NCKAP5: variants seen among roughly 807,000 people sequenced by gnomAD.
The protein encoded by NCKAP5 is nck-associated protein 5.
NCKAP5 carries 92 observed loss-of-function variants against 167.0 expected under a neutral mutation model. That is an observed-to-expected ratio of 0.55 (90% CI 0.47 to 0.66). The LOEUF is 0.66. Among genes scored for constraint, NCKAP5 ranks in the 30% least tolerant of loss-of-function variants. The probability of loss-of-function intolerance (pLI) is 0.00; values close to 1 mark genes in which losing one functional copy is unlikely to be tolerated. For synonymous variants in NCKAP5, 891 were observed against 877.4 expected (o/e 1.02, Z -0.27); for missense variants, 2,378 against 2,315.0 (o/e 1.03, Z -0.56).
Position 133,507,420 on chromosome 2 carries a change from C to G in NCKAP5, c.69+10038G>C, listed in dbSNP as rs183093089. Among the ~76,000 whole-genome samples, 431 of 152,228 alleles carry G rather than the reference C, an allele frequency of 2.8e-3. 5 individuals carry two copies. Among genetic ancestry groups the G allele is most frequent in the African/African-American group, 9.6e-3 (399 of 41,522 alleles). On this transcript the variant is annotated intron_variant, in intron 3 of 19. Transcript: ENST00000409261. ...AAAACAACTGCTTAAAACCAAGAACCAAAAAGGTGCGGAAAGACAGAAGGC... is the reference window on the plus strand; with the variant it reads ...AAAACAACTGCTTAAAACCAAGAACGAAAAAGGTGCGGAAAGACAGAAGGC...
chr2:133,656,888 T>C, the NCKAP5 span, among the ~76,000 whole-genome samples: 3 of 152,122 alleles, frequency 2.0e-5, no homozygotes, highest in African/African-American at 7.2e-5. Flanking sequence ...CAGTATACAT[T>C]GCACCATATT....
intron 11 of NCKAP5, among the ~76,000 whole-genome samples, chr2:132,859,076 G>T (rs16842623): frequency 1.3e-5 from 2 of 152,010 alleles, no homozygotes; most frequent in Non-Finnish European, 2.9e-5. Flanking sequence ...AAATATTTAC[G>T]GTGGTCAGGA....
chr2:133,561,743 G>A (rs889358149), intron 1 of NCKAP5, among the ~76,000 whole-genome samples: 1 of 152,142 alleles, frequency 6.6e-6, no homozygotes, highest in Non-Finnish European at 1.5e-5. Flanking sequence ...GACAAAAAAA[G>A]AACATGGTGA....
intron 6 of NCKAP5, among the ~76,000 whole-genome samples, chr2:133,037,956 A>G (rs2079090189): frequency 6.6e-6 from 1 of 152,128 alleles, no homozygotes; most frequent in Non-Finnish European, 1.5e-5. Context: ...CATCCAAAAG[A>G]TAAGTAATAA....
chr2:133,207,511 A>C (rs567688875), intron 5 of NCKAP5, among the ~76,000 whole-genome samples: 75 of 152,326 alleles, frequency 4.9e-4, no homozygotes, highest in African/African-American at 1.8e-3. Flanking sequence ...GGTTTCAAAT[A>C]ACTCTGTCCA....
At chr2:133,422,146 G>A (rs115721416) in intron 3 of NCKAP5, among the ~76,000 whole-genome samples, 3,050 of 152,298 alleles carry the variant, frequency 0.02, 95 homozygotes, top group African/African-American at 0.069. Flanking sequence ...CAAAGCCAGA[G>A]AATTCCCAAA....
intron 8 of NCKAP5, among the ~76,000 whole-genome samples, chr2:132,943,320 T>C (rs2149107409): frequency 6.6e-6 from 1 of 152,360 alleles, no homozygotes; most frequent in Admixed American, 6.5e-5. Flanking sequence ...ATATCCTCTT[T>C]GATTGCATAT....
intron 8 of NCKAP5, among the ~76,000 whole-genome samples, chr2:132,927,178 GGT>G (rs1695969880): frequency 6.6e-6 from 1 of 152,188 alleles, no homozygotes; most frequent in East Asian, 1.9e-4. Flanking sequence ...GTTGGCTGTA[GGT>G]GTGTGGCTTC....
intron 3 of NCKAP5, among the ~76,000 whole-genome samples, chr2:133,508,253 CT>C (rs978386484): frequency 6.6e-6 from 1 of 152,152 alleles, no homozygotes; most frequent in African/African-American, 2.4e-5. Flanking sequence ...TAAATTTCTG[CT>C]TCAGGGAACT....
At chr2:133,438,524 G>A (rs573991622) in intron 3 of NCKAP5, among the ~76,000 whole-genome samples, 5 of 152,158 alleles carry the variant, frequency 3.3e-5, no homozygotes, top group East Asian at 1.9e-4. Flanking sequence ...AGATAACTTC[G>A]CATAAAGTAT....
chr2:133,349,605 T>G (rs986912218), intron 3 of NCKAP5, among the ~76,000 whole-genome samples: 5 of 152,244 alleles, frequency 3.3e-5, no homozygotes, highest in African/African-American at 1.2e-4. Context: ...TCATGCTTGT[T>G]TTTTGTTTGT....
chr2:133,207,776 C>T (rs1377755277), intron 5 of NCKAP5, among the ~76,000 whole-genome samples: 2 of 152,044 alleles, frequency 1.3e-5, no homozygotes, highest in Non-Finnish European at 2.9e-5. Context: ...AAAATAAATA[C>T]CAATGCAGTC....
intron 4 of NCKAP5, among the ~76,000 whole-genome samples, chr2:133,216,771 G>C (rs891454126): frequency 1.3e-5 from 2 of 152,032 alleles, no homozygotes; most frequent in African/African-American, 4.8e-5. Flanking sequence ...ATATAATTCA[G>C]ATACAAGGAG....
At chr2:133,052,826 T>C (rs1031806714) in intron 6 of NCKAP5, among the ~76,000 whole-genome samples, 5 of 151,918 alleles carry the variant, frequency 3.3e-5, no homozygotes, top group African/African-American at 1.2e-4. Flanking sequence ...TTATCAACAA[T>C]AGAATATTTG....
At chr2:132,758,247 G>GT (rs1680714241) in intron 16 of NCKAP5, among the ~76,000 whole-genome samples, 1 of 152,188 alleles carries the variant, frequency 6.6e-6, no homozygotes, top group Admixed American at 6.5e-5. Context: ...GGTGGAATGA[G>GT]TGTGTGGATC....
rs373986881 is a variant in NCKAP5, at chr2:132,707,042, C to T, written c.5713+18585G>A. On this transcript the variant is annotated intron_variant, in intron 19 of 19. Coordinates refer to ENST00000409261, the MANE Select transcript of NCKAP5 (RefSeq NM_207363.3). The stretch of plus-strand genomic sequence containing the variant: ...AACAATAATCCACACAAAAAGACAT[C>T]TTTGTAAGAACTAAAAATCAGGTGA... Among the ~76,000 whole-genome samples, 62 of 152,306 alleles carry T rather than the reference C, an allele frequency of 4.1e-4. 1 individual carries two copies. The South Asian group carries it at 0.013, about 31-fold the overall frequency.
rs114575033 is a variant in NCKAP5 at position 133,344,029 on chromosome 2, G to A, written c.70-40919C>T. Among the ~76,000 whole-genome samples the A allele has an allele frequency of 3.6e-3, 553 of 152,264 alleles. 2 individuals are homozygous for A. The highest frequency in any genetic ancestry group is 0.013 in the African/African-American group (521 of 41,562). ...AGTTGGGTAAGGGGCCAGAGACTGC[G>A]GGGAATGGTGGATCTTTTAGGCAGG... On this transcript the variant is annotated intron_variant, in intron 3 of 19. Coordinates refer to ENST00000409261, the MANE Select transcript of NCKAP5 (RefSeq NM_207363.3).
chr2:133,659,650 G>A, the NCKAP5 span, among the ~76,000 whole-genome samples: 2 of 152,146 alleles, frequency 1.3e-5, no homozygotes, highest in African/African-American at 2.4e-5. Flanking sequence ...GAGAATGAAA[G>A]TGACTGCTAA....
In NCKAP5 at chr2:133,472,432, G is replaced by A. The variant is rs149988904; in HGVS notation, c.69+45026C>T. Among the ~76,000 whole-genome samples the A allele has an allele frequency of 4.0e-3, 604 of 151,896 alleles. 2 individuals are homozygous for A. The highest frequency in any genetic ancestry group is 6.7e-3 in the Non-Finnish European group (458 of 67,938). Reference sequence around the variant, plus strand: ...ATATGATGAAGATCTTGGTGCAATGGAGTTTTGGCACTTTGATTATTTTGT... The same window carrying A: ...ATATGATGAAGATCTTGGTGCAATGAAGTTTTGGCACTTTGATTATTTTGT... On this transcript the variant is annotated intron_variant, in intron 3 of 19. Coordinates refer to ENST00000409261, the MANE Select transcript of NCKAP5 (RefSeq NM_207363.3).
Sources: gnomAD v4.1 joint callset for allele counts (sites outside exome capture counted in the v4.1 genomes callset) on GRCh38, gnomAD v4.1.1 for gene constraint, MANE v1.5 for transcripts, NCBI Gene and HGNC (gene_info 2026-07-23, HGNC 2026-07-21) for gene names.